Variants in SLIT3 observed in about 807,000 individuals in gnomAD.
SLIT3 encodes slit homolog 3 protein.
A neutral mutation model predicts 184.0 loss-of-function variants in SLIT3; 68 were observed. The ratio of observed to expected loss-of-function variants is 0.37; its 90% CI spans 0.30 to 0.45. SLIT3 has a LOEUF of 0.45. Ranked by LOEUF, SLIT3 falls within the 20% of genes least tolerant of loss-of-function variation. The pLI, the probability that SLIT3 is intolerant of heterozygous loss-of-function variation, is 1.00. For synonymous variants in SLIT3, 831 were observed against 828.6 expected, an observed-to-expected ratio of 1.00 and a Z score of -0.05; for missense variants, 1,707 against 2,026.0, an observed-to-expected ratio of 0.84 and a Z score of 3.02.
intron 33 of SLIT3, among the ~76,000 whole-genome samples, chr5:168,672,195 G>C (rs558163234): frequency 6.6e-6 from 1 of 152,288 alleles, no homozygotes; most frequent in African/African-American, 2.4e-5. Context: ...AGCAGGTGGG[G>C]CACAGGGCAC....
intron 32 of SLIT3, among the ~76,000 whole-genome samples, chr5:168,678,527 C>A (rs938915741): frequency 2.0e-5 from 3 of 151,702 alleles, no homozygotes; most frequent in African/African-American, 7.3e-5. Context: ...ACTAAAAATA[C>A]AAAAAATTAG....
chr5:168,939,040 T>C (rs564841284), intron 4 of SLIT3, among the ~76,000 whole-genome samples: 1 of 152,068 alleles, frequency 6.6e-6, no homozygotes, highest in African/African-American at 2.4e-5. Flanking sequence ...TATGGAAAAA[T>C]CTCATCACCG....
intron 10 of SLIT3, among the ~76,000 whole-genome samples, chr5:168,794,747 T>TC (rs1012784889): frequency 6.6e-6 from 1 of 152,120 alleles, no homozygotes; most frequent in African/African-American, 2.4e-5. Flanking sequence ...CCCCATCCTC[T>TC]CCCCTCACTT....
intron 10 of SLIT3, chr5:168,790,081 T>C (rs1756310802): frequency 6.3e-6 from 1 of 157,664 alleles, no homozygotes. Flanking sequence ...CTCATTTTTC[T>C]CCCAGAAAGT....
chr5:168,731,189 T>C (rs62378469), intron 20 of SLIT3, among the ~76,000 whole-genome samples: 7,473 of 151,950 alleles, frequency 0.049, 195 homozygotes, highest in African/African-American at 0.075. Context: ...CTAGAGCAAA[T>C]GGATAAATTC....
intron 4 of SLIT3, among the ~76,000 whole-genome samples, chr5:169,138,703 G>A (rs773264918): frequency 3.3e-5 from 5 of 152,196 alleles, no homozygotes; most frequent in Non-Finnish European, 7.3e-5. Flanking sequence ...CGAGCCTTGC[G>A]TGTTCTCCCC....
Position 168,789,562 on chromosome 5 carries a change from C to A in SLIT3, c.1077G>T (p.Ser359=), listed in dbSNP as rs755312911. Residue 359 remains serine, a splice_region_variant and synonymous_variant, in exon 11 of 36, where the codon TCG becomes TCT. Coordinates refer to ENST00000519560, the MANE Select transcript of SLIT3 (RefSeq NM_003062.4). ...GCCCCAACTCGGGCCCCACTTACAG[C>A]GATGTGAGTGATTTCAGGCCCTGGA... ...DAFQGLKSLT[S]LVLYGNKITE... is the part of the protein sequence containing the mutation. The A allele has an allele frequency of 3.7e-6, 6 of 1,612,294 alleles. No individual in the cohort carries two copies. Among genetic ancestry groups the A allele is most frequent in the Non-Finnish European group, 5.1e-6 (6 of 1,179,052 alleles).
At chr5:169,138,571 C>A (rs1174428987) in intron 4 of SLIT3, among the ~76,000 whole-genome samples, 2 of 152,144 alleles carry the variant, frequency 1.3e-5, no homozygotes, top group Non-Finnish European at 2.9e-5. Flanking sequence ...TATAGAACTG[C>A]TGGGAAGATT....
At chr5:169,214,571 G>T (rs771069950) in intron 3 of SLIT3, among the ~76,000 whole-genome samples, 1 of 152,190 alleles carries the variant, frequency 6.6e-6, no homozygotes, top group African/African-American at 2.4e-5. Flanking sequence ...TGGGTAGAGG[G>T]GATGGTGGTG....
intron 32 of SLIT3, among the ~76,000 whole-genome samples, chr5:168,675,475 C>T (rs1174792313): frequency 6.6e-6 from 1 of 152,196 alleles, no homozygotes; most frequent in East Asian, 1.9e-4. Context: ...AGGAATAGAA[C>T]ATCCGGTCTC....
chr5:169,138,310 C>T (rs183457363), intron 4 of SLIT3, among the ~76,000 whole-genome samples: 10 of 152,292 alleles, frequency 6.6e-5, no homozygotes, highest in East Asian at 3.9e-4. Context: ...CGGAAAAGAG[C>T]GGAAGCCCTG....
At chr5:168,969,745 C>T (rs886541053) in intron 4 of SLIT3, among the ~76,000 whole-genome samples, 1 of 152,222 alleles carries the variant, frequency 6.6e-6, no homozygotes, top group East Asian at 1.9e-4. Flanking sequence ...CTTTCTTCCC[C>T]TATAGCAGCC....
intron 26 of SLIT3, among the ~76,000 whole-genome samples, chr5:168,704,559 T>C (rs1762321458): frequency 6.6e-6 from 1 of 152,254 alleles, no homozygotes; most frequent in Non-Finnish European, 1.5e-5. Flanking sequence ...AATTATTTCA[T>C]CTTTCTGAAC....
chr5:169,276,284 G>T lies in SLIT3; in HGVS notation c.197+24229C>A, dbSNP rs1017716388. Among the ~76,000 whole-genome samples the T allele has an allele frequency of 3.3e-5, 5 of 152,078 alleles. No homozygotes were observed. In the East Asian group the frequency reaches 9.6e-4, roughly 29 times the overall value. The stretch of plus-strand genomic sequence containing the variant: ...TCTCCCAGATGCCAGCTGCGACTCT[G>T]CTCACAGCCCAGGAGACCTGTAGAC... On this transcript the variant is annotated intron_variant, in intron 1 of 35. Transcript: ENST00000519560.
intron 4 of SLIT3, among the ~76,000 whole-genome samples, chr5:168,899,439 A>G (rs1012470324): frequency 7.2e-5 from 11 of 152,232 alleles, no homozygotes; most frequent in Admixed American, 7.2e-4. Flanking sequence ...ACTCAAACCC[A>G]GGCGTTTGAG....
At chr5:169,186,450 G>T (rs297888) in intron 4 of SLIT3, among the ~76,000 whole-genome samples, 4 of 152,158 alleles carry the variant, frequency 2.6e-5, no homozygotes, top group Non-Finnish European at 5.9e-5. Flanking sequence ...TAAGCCACTC[G>T]GTGTGTGGTA....
intron 4 of SLIT3, among the ~76,000 whole-genome samples, chr5:169,056,908 G>T (rs192692064): frequency 1.3e-5 from 2 of 152,310 alleles, no homozygotes; most frequent in East Asian, 3.9e-4. Context: ...CACAAGCTGT[G>T]TGACCTTGCT....
rs146184706 is a variant in SLIT3, at chr5:168,895,403, GCTTT to G, written c.414-12071_414-12068del. On this transcript the variant is annotated intron_variant, in intron 4 of 35. Coordinates refer to ENST00000519560, the MANE Select transcript of SLIT3 (RefSeq NM_003062.4). ...GGACATGGGACTTGTATATGTCTGT[GCTTT>G]CTTGTAACTTTTCAGAAGACCATTA... 4.8e-3 allele frequency among the ~76,000 whole-genome samples: 738 copies of G among 152,314 alleles called. 11 individuals are homozygous for G. Among genetic ancestry groups the G allele is most frequent in the African/African-American group, 0.017 (692 of 41,560 alleles).
intron 4 of SLIT3, among the ~76,000 whole-genome samples, chr5:169,084,106 T>C (rs1457997976): frequency 4.6e-5 from 7 of 152,158 alleles, no homozygotes; most frequent in Admixed American, 4.6e-4. Context: ...TTGTTTCAGT[T>C]TGGCCGAGAG....
Sources: allele counts gnomAD v4.1 joint callset (sites outside exome capture counted in the v4.1 genomes callset), GRCh38; gene constraint gnomAD v4.1.1; transcripts MANE v1.5; gene names NCBI Gene and HGNC (gene_info 2026-07-23, HGNC 2026-07-21).